FILIP1: variants seen among roughly 807,000 people sequenced by gnomAD.
FILIP1 encodes the protein filamin-A-interacting protein 1.
In FILIP1, 61 loss-of-function variants were observed where a neutral mutation model predicts 102.1. The observed-to-expected ratio is 0.60, with a 90% CI of 0.49 to 0.74. FILIP1 has a LOEUF of 0.74. Among genes scored for constraint, FILIP1 ranks in the 30% least tolerant of loss-of-function variants. The pLI, the probability that FILIP1 is intolerant of heterozygous loss-of-function variation, is 0.00. For synonymous variants in FILIP1, 491 were observed against 526.9 expected, an observed-to-expected ratio of 0.93 and a Z score of 0.93; for missense variants, 1,314 against 1,441.2, an observed-to-expected ratio of 0.91 and a Z score of 1.43.
chr6:75,322,177 A>G (rs150429011), intron 4 of FILIP1, among the ~76,000 whole-genome samples: 1 of 152,326 alleles, frequency 6.6e-6, no homozygotes, highest in East Asian at 1.9e-4. Context: ...GCATGTATCT[A>G]TTCACAAAAC....
chr6:75,307,292 CAT>C (rs1283643594), downstream of FILIP1, among the ~76,000 whole-genome samples: 2 of 152,172 alleles, frequency 1.3e-5, no homozygotes, highest in African/African-American at 4.8e-5. Context: ...TATCATGAAA[CAT>C]GTTGAATCAT....
intron 1 of FILIP1, among the ~76,000 whole-genome samples, chr6:75,488,619 A>G (rs979102689): frequency 6.6e-6 from 1 of 151,628 alleles, no homozygotes; most frequent in East Asian, 1.9e-4. Flanking sequence ...CAAAGTTTTC[A>G]TTAGAGAATG....
At chr6:75,448,549 A>T (rs908341878) in intron 1 of FILIP1, among the ~76,000 whole-genome samples, 3 of 151,976 alleles carry the variant, frequency 2.0e-5, no homozygotes, top group South Asian at 2.1e-4. Flanking sequence ...GGAAATAATG[A>T]GCAGAGTAAA....
In FILIP1 at chr6:75,492,474, C is replaced by T. The variant is rs1779990653; in HGVS notation, c.-7+940G>A. 2.0e-5 allele frequency among the ~76,000 whole-genome samples: 3 copies of T among 152,034 alleles called. No individual in the cohort carries two copies. The South Asian group carries it at 6.2e-4, about 32-fold the overall frequency. ...AGAGGTAAAATATTTTTATGGAAAT[C>T]TACCCCAATTACAAACCACCAGATG... is the stretch of plus-strand genomic sequence containing the variant. On this transcript the variant is annotated intron_variant, in intron 1 of 5. Transcript: ENST00000237172.
intron 1 of FILIP1, among the ~76,000 whole-genome samples, chr6:75,444,502 C>T (rs1319653265): frequency 1.3e-5 from 2 of 151,968 alleles, no homozygotes; most frequent in East Asian, 3.8e-4. Context: ...TATTGATGTT[C>T]ATATTGTGTA....
intron 4 of FILIP1, among the ~76,000 whole-genome samples, chr6:75,343,466 CT>C (rs2149590755): frequency 6.6e-6 from 1 of 152,238 alleles, no homozygotes; most frequent in African/African-American, 2.4e-5. Context: ...TGAACAGAGC[CT>C]CTTATTTTGG....
At chr6:75,308,951 G>C in intron 5 of FILIP1, 54 bp from the exon 6 acceptor site, 1 of 1,589,214 alleles carries the variant, frequency 6.3e-7, no homozygotes, top group Non-Finnish European at 8.6e-7. Context: ...GTTTCCTCTG[G>C]ATATGCCATC....
chr6:75,440,629 G>A (rs951824076), intron 1 of FILIP1, among the ~76,000 whole-genome samples: 19 of 152,084 alleles, frequency 1.2e-4, no homozygotes, highest in Non-Finnish European at 2.5e-4. Flanking sequence ...AATTTACCAC[G>A]CTGGTCTTTG....
intron 1 of FILIP1, among the ~76,000 whole-genome samples, chr6:75,425,056 T>G (rs1160004678): frequency 2.0e-5 from 3 of 152,134 alleles, no homozygotes; most frequent in African/African-American, 7.2e-5. Flanking sequence ...GGCCCTGAGA[T>G]CCCTTGTCTT....
intron 4 of FILIP1, among the ~76,000 whole-genome samples, chr6:75,351,199 G>C (rs903090548): frequency 5.3e-5 from 8 of 152,128 alleles, no homozygotes; most frequent in African/African-American, 1.9e-4. Flanking sequence ...AAGTAGCTGG[G>C]ATTACAGGTG....
intron 6 of FILIP1, among the ~76,000 whole-genome samples, chr6:75,300,427 C>T (rs1307376150): frequency 2.6e-5 from 4 of 152,306 alleles, no homozygotes; most frequent in Admixed American, 6.5e-5. Flanking sequence ...TCCCCTCCCC[C>T]GACCAAGTAC....
chr6:75,471,159 C>CAAAAAAAAAAAAA (rs67671264), intron 1 of FILIP1, among the ~76,000 whole-genome samples: 1 of 72,294 alleles, frequency 1.4e-5, no homozygotes, highest in Non-Finnish European at 2.6e-5. Context: ...GACCTTGTCT[C>CAAAAAAAAAAAAA]AAAAAAAAAA....
intron 4 of FILIP1, among the ~76,000 whole-genome samples, chr6:75,316,226 T>A (rs1231304287): frequency 6.6e-6 from 1 of 152,228 alleles, no homozygotes; most frequent in African/African-American, 2.4e-5. Context: ...TTAATAGTTT[T>A]TTTATTTACC....
intron 2 of FILIP1, among the ~76,000 whole-genome samples, chr6:75,363,834 T>C (rs1331221779): frequency 6.6e-6 from 1 of 152,178 alleles, no homozygotes; most frequent in African/African-American, 2.4e-5. Context: ...TCATTCCAAC[T>C]TATACTAAAG....
At chr6:75,381,252 C>A (rs2149641207) in intron 2 of FILIP1, among the ~76,000 whole-genome samples, 1 of 151,098 alleles carries the variant, frequency 6.6e-6, no homozygotes. Flanking sequence ...TTTTTTGAGA[C>A]AGAGCCTTGC....
chr6:75,391,081 C>T lies in FILIP1; in HGVS notation c.276+23616G>A, dbSNP rs368513657. ...TCATCTTCTATATTTCCAGCTTATT[C>T]CCTCTAGAGCTCAAAATCCAACAGT... On this transcript the variant is annotated intron_variant, in intron 2 of 5. Coordinates refer to ENST00000237172, the MANE Select transcript of FILIP1 (RefSeq NM_015687.5). Among the ~76,000 whole-genome samples the T allele has an allele frequency of 2.6e-5, 4 of 152,220 alleles. No homozygotes were observed. The East Asian group carries it at 5.8e-4, about 22-fold the overall frequency.
intron 1 of FILIP1, among the ~76,000 whole-genome samples, chr6:75,433,148 G>A (rs1017703381): frequency 7.2e-5 from 11 of 152,204 alleles, no homozygotes; most frequent in Non-Finnish European, 1.6e-4. Context: ...ACATGTGCAT[G>A]TGTCTTTATA....
chr6:75,459,725 C>T (rs1778959572), intron 1 of FILIP1, among the ~76,000 whole-genome samples: 2 of 152,136 alleles, frequency 1.3e-5, no homozygotes, highest in African/African-American at 4.8e-5. Context: ...ACTGATTTAA[C>T]AGGGATGCAT....
chr6:75,296,012 C>T, intron 6 of FILIP1: 1 of 1,151,184 alleles, frequency 8.7e-7, no homozygotes, highest in Non-Finnish European at 1.2e-6. Context: ...CAAGCTACAT[C>T]ATTTCACTAA....
Sources: allele counts gnomAD v4.1 joint callset (sites outside exome capture counted in the v4.1 genomes callset), GRCh38; gene constraint gnomAD v4.1.1; transcripts MANE v1.5; gene names NCBI Gene and HGNC (gene_info 2026-07-23, HGNC 2026-07-21).